GALNT18: variants seen among roughly 807,000 people sequenced by gnomAD.
GALNT18 encodes GalNAc-transferase 18.
Under a neutral mutation model 69.5 loss-of-function variants are expected in GALNT18, and 44 were observed. The observed-to-expected ratio is 0.63, with a 90% CI of 0.50 to 0.81. The LOEUF is 0.81. Among genes scored for constraint, GALNT18 ranks in the 40% least tolerant of loss-of-function variants. GALNT18 has a pLI of 0.00. For synonymous variants in GALNT18, 364 were observed against 318.2 expected (o/e 1.14, Z -1.53); for missense variants, 715 against 810.0 (o/e 0.88, Z 1.42).
intron 1 of GALNT18, among the ~76,000 whole-genome samples, chr11:11,510,637 C>A (rs2133912709): frequency 6.6e-6 from 1 of 152,328 alleles, no homozygotes; most frequent in South Asian, 2.1e-4. Context: ...GGGCTCAGTG[C>A]AAGAAATAGA....
Position 11,377,944 on chromosome 11 carries a change from C to T in GALNT18, c.780-565G>A, listed in dbSNP as rs1420164537. Among the ~76,000 whole-genome samples, 1 of 152,174 alleles carries T rather than the reference C, an allele frequency of 6.6e-6. No homozygotes were observed. Among genetic ancestry groups the T allele is most frequent in the Non-Finnish European group, 1.5e-5 (1 of 68,024 alleles). ...GAGGGGTGGGGCATTTGGGCTTTCCCAGGGAGCTGGGAGACCCTTGAAGGC... is the reference window on the plus strand; with the variant it reads ...GAGGGGTGGGGCATTTGGGCTTTCCTAGGGAGCTGGGAGACCCTTGAAGGC... On this transcript the variant is annotated intron_variant, in intron 4 of 10. Coordinates refer to ENST00000227756, the MANE Select transcript of GALNT18 (RefSeq NM_198516.3). This position sits in a 1 kb window ranked among gnomAD's most constrained non-coding sequence, Gnocchi z 4.6.
At chr11:11,397,449 G>C (rs1854360230) in intron 3 of GALNT18, among the ~76,000 whole-genome samples, 1 of 152,122 alleles carries the variant, frequency 6.6e-6, no homozygotes, top group African/African-American at 2.4e-5. Context: ...AGAATAATTA[G>C]GACCTGGAGA....
intron 1 of GALNT18, among the ~76,000 whole-genome samples, chr11:11,512,542 C>T (rs1194110858): frequency 6.6e-6 from 1 of 152,198 alleles, no homozygotes; most frequent in African/African-American, 2.4e-5. Context: ...TATGGGGACA[C>T]ACACAGGTAC....
intron 8 of GALNT18, among the ~76,000 whole-genome samples, chr11:11,329,203 C>T (rs1268436517): frequency 6.6e-6 from 1 of 152,186 alleles, no homozygotes; most frequent in Non-Finnish European, 1.5e-5. Context: ...TAGCATAAGG[C>T]CTGGCAAATA....
chr11:11,271,431 C>T (rs1056829023), intron 10 of GALNT18, 141 bp from the exon 11 acceptor site: 4 of 795,026 alleles, frequency 5.0e-6, no homozygotes, highest in African/African-American at 3.4e-5. Context: ...CATGAAACTG[C>T]AGGCTCCCCT....
chr11:11,308,260 G>C (rs1472711633), intron 9 of GALNT18, among the ~76,000 whole-genome samples: 5 of 152,184 alleles, frequency 3.3e-5, no homozygotes, highest in African/African-American at 4.8e-5. Context: ...AGATTTCCTG[G>C]AGGAAACCAG....
Position 11,330,715 on chromosome 11 carries a change from A to G in GALNT18, c.1416+1979T>C, listed in dbSNP as rs147910753. The stretch of plus-strand genomic sequence containing the variant: ...TTGCCACTTAGTATTTGACAAACCA[A>G]ATGTTTCTGGGGATGGCATGGAGGG... On this transcript the variant is annotated intron_variant, in intron 8 of 10. Transcript: ENST00000227756. Among the ~76,000 whole-genome samples, 568 of 152,324 alleles carry G rather than the reference A, an allele frequency of 3.7e-3. 4 individuals are homozygous for G. The highest frequency in any genetic ancestry group is 6.8e-3 in the Middle Eastern group (2 of 294).
intron 4 of GALNT18, among the ~76,000 whole-genome samples, chr11:11,378,492 G>A (rs1853829592): frequency 6.6e-6 from 1 of 152,208 alleles, no homozygotes; most frequent in South Asian, 2.1e-4. Flanking sequence ...AGCCACTTGG[G>A]CCTTCTGTCT....
intron 1 of GALNT18, among the ~76,000 whole-genome samples, chr11:11,532,882 G>C (rs947925197): frequency 4.6e-5 from 7 of 152,248 alleles, no homozygotes; most frequent in Non-Finnish European, 2.9e-5. Flanking sequence ...TTTGCAGACA[G>C]TCTATGCTGC....
rs1332856493 is a variant in GALNT18 at position 11,356,650 on chromosome 11, AG to A, written c.1093-15647del. 6.6e-6 allele frequency among the ~76,000 whole-genome samples: 1 copy of A among 152,146 alleles called. No individual in the cohort carries two copies. Among genetic ancestry groups the A allele is most frequent in the Admixed American group, 6.5e-5 (1 of 15,280 alleles). On this transcript the variant is annotated intron_variant, in intron 6 of 10. Transcript: ENST00000227756. The surrounding 1 kb of genome is among the most constrained non-coding windows in gnomAD (Gnocchi z 4.4). ...TTTTAAGAAGGTAAAAATTTCCTTC[AG>A]GTTGACTCCCCAAATCCTTCATCAA... is the stretch of plus-strand genomic sequence containing the variant.
At chr11:11,362,573 A>T (rs1162726058) in intron 6 of GALNT18, among the ~76,000 whole-genome samples, 1 of 152,218 alleles carries the variant, frequency 6.6e-6, no homozygotes, top group Non-Finnish European at 1.5e-5. Context: ...AGCCTTAATC[A>T]TATGAAAATC....
At chr11:11,475,086 G>A (rs1371830399) in intron 1 of GALNT18, 1 of 152,056 alleles carries the variant, frequency 6.6e-6, no homozygotes, top group Non-Finnish European at 1.5e-5. Context: ...GAACAGAGAG[G>A]GACTACTGAA....
chr11:11,362,951 C>A (rs374931328), intron 6 of GALNT18, among the ~76,000 whole-genome samples: 96 of 152,206 alleles, frequency 6.3e-4, no homozygotes, highest in African/African-American at 2.3e-3. Flanking sequence ...AAAATGTTTA[C>A]GCATTTGAGT....
intron 2 of GALNT18, among the ~76,000 whole-genome samples, chr11:11,441,107 T>C (rs1302962022): frequency 2.0e-5 from 3 of 152,228 alleles, no homozygotes; most frequent in Non-Finnish European, 4.4e-5. Context: ...GCAGTTGTGA[T>C]CTGAGCAGCA....
chr11:11,526,444 T>G (rs1050433210), intron 1 of GALNT18, among the ~76,000 whole-genome samples: 5 of 152,244 alleles, frequency 3.3e-5, no homozygotes, highest in Non-Finnish European at 5.9e-5. Context: ...TCTTTCATTG[T>G]CTTTCTGCTA....
At chr11:11,513,180 C>T (rs945451191) in intron 1 of GALNT18, among the ~76,000 whole-genome samples, 11 of 152,206 alleles carry the variant, frequency 7.2e-5, no homozygotes, top group African/African-American at 2.4e-4. Flanking sequence ...TGAGTGCTCA[C>T]TCCCTGTGTG....
chr11:11,510,655 G>T (rs1162974959), intron 1 of GALNT18, among the ~76,000 whole-genome samples: 2 of 152,154 alleles, frequency 1.3e-5, no homozygotes, highest in African/African-American at 2.4e-5. Flanking sequence ...AGAAATGAAG[G>T]TGCCTGCCTT....
At position 11,532,716 on chromosome 11, in the gene GALNT18, A is replaced by G. The variant is rs76710951; in HGVS notation, c.236-83780T>C. On this transcript the variant is annotated intron_variant, in intron 1 of 10. Coordinates refer to ENST00000227756, the MANE Select transcript of GALNT18 (RefSeq NM_198516.3). ...GAGGGCTTCCCGCTGAGCTGCTTCA[A>G]GGCTGACCCTTGGTCAAAGCCATGC... Among the ~76,000 whole-genome samples the G allele has an allele frequency of 3.4e-4, 52 of 152,376 alleles. 1 individual carries two copies. In the East Asian group the frequency reaches 9.8e-3, roughly 29 times the overall value.
At chr11:11,575,378 G>A (rs11602602) in intron 1 of GALNT18, among the ~76,000 whole-genome samples, 19 of 152,092 alleles carry the variant, frequency 1.2e-4, no homozygotes, top group African/African-American at 4.3e-4. Context: ...CTAAACAGCT[G>A]TAGGCCCACT....
Sources: allele counts gnomAD v4.1 joint callset (sites outside exome capture counted in the v4.1 genomes callset), GRCh38; gene constraint gnomAD v4.1.1; non-coding constraint Gnocchi (gnomAD v3.1); transcripts MANE v1.5; gene names NCBI Gene and HGNC (gene_info 2026-07-23, HGNC 2026-07-21).